Variants in PPFIA1 observed in about 807,000 individuals in gnomAD.
PPFIA1 encodes liprin-alpha-1.
A neutral mutation model predicts 149.9 loss-of-function variants in PPFIA1; 25 were observed. The observed-to-expected ratio is 0.17, with a 90% CI of 0.12 to 0.23. The LOEUF (loss-of-function observed/expected upper bound fraction) is 0.23. Ranked by LOEUF, PPFIA1 falls within the 10% of genes least tolerant of loss-of-function variation. The pLI is 1.00. For missense variants in PPFIA1, 1,362 were observed against 1,506.5 expected (o/e 0.90, Z 1.59); for synonymous variants, 549 against 552.8 (o/e 0.99, Z 0.10).
At chr11:70,376,718 C>T (rs1410727295) in intron 25 of PPFIA1, 118 bp downstream of exon 25, 5 of 891,566 alleles carry the variant, frequency 5.6e-6, no homozygotes, top group Non-Finnish European at 5.5e-6. Context: ...TAGGCAGTCT[C>T]TCTGGATGTT....
intron 23 of PPFIA1, 59 bp downstream of exon 23, chr11:70,372,633 C>G (rs187808133): frequency 7.3e-7 from 1 of 1,368,782 alleles, no homozygotes; most frequent in East Asian, 2.3e-5. Context: ...TGTTTGGAGC[C>G]TCAGTGACTT....
At chr11:70,364,710 AT>A (rs2056829160) in intron 21 of PPFIA1, 1 of 152,188 alleles carries the variant, frequency 6.6e-6, no homozygotes, top group Non-Finnish European at 1.5e-5. Context: ...GTTGTTTCAC[AT>A]GACAGTGGCC....
chr11:70,351,530 A>C (rs1239845256), intron 16 of PPFIA1, among the ~76,000 whole-genome samples: 1 of 152,198 alleles, frequency 6.6e-6, no homozygotes, highest in African/African-American at 2.4e-5. Context: ...CATTACACTT[A>C]CTAGTTGAGC....
At chr11:70,372,431 T>G in intron 22 of PPFIA1, 41 bp downstream of exon 22, 4 of 1,613,274 alleles carry the variant, frequency 2.5e-6, no homozygotes, top group Non-Finnish European at 3.4e-6. Flanking sequence ...GGCTAAGATT[T>G]TTCACTGTTA....
chr11:70,271,332 G>A (rs1050628046), intron 1 of PPFIA1: 1 of 152,416 alleles, frequency 6.6e-6, no homozygotes. Context: ...GCGCCGTCTG[G>A]GGCATCCCCC....
intron 15 of PPFIA1, 96 bp from the exon 16 acceptor site, chr11:70,348,093 T>G: frequency 3.1e-6 from 3 of 955,860 alleles, no homozygotes. Context: ...TGGAGTTTAC[T>G]CATAGTAATA....
At chr11:70,333,389 C>A in intron 9 of PPFIA1, 81 bp from the exon 10 acceptor site, 1 of 1,072,056 alleles carries the variant, frequency 9.3e-7, no homozygotes, top group Non-Finnish European at 1.4e-6. Flanking sequence ...GCATGTTGTG[C>A]CTGTTGCCAC....
intron 17 of PPFIA1, 114 bp from the exon 18 acceptor site, chr11:70,355,525 T>G (rs1001903487): frequency 1.1e-5 from 11 of 1,009,836 alleles, no homozygotes; most frequent in Admixed American, 8.6e-5. Flanking sequence ...ATGCACTTGG[T>G]GAGGAAGATG....
intron 2 of PPFIA1, among the ~76,000 whole-genome samples, chr11:70,291,952 C>T (rs185684346): frequency 1.2e-3 from 179 of 151,942 alleles, no homozygotes; most frequent in African/African-American, 3.9e-3. Context: ...ATTCTCCTGC[C>T]TCAGCCTCCC....
Position 70,297,349 on chromosome 11 carries a change from C to CAGT in PPFIA1, c.264+24914_264+24916dup, listed in dbSNP as rs369433986. 6.0e-3 allele frequency among the ~76,000 whole-genome samples: 909 copies of CAGT among 151,900 alleles called. 10 individuals are homozygous for CAGT. The highest frequency in any genetic ancestry group is 0.02 in the African/African-American group (822 of 41,388). ...GCCTGAACCTAGCAGGTTAAGACTG[C>CAGT]AGTGAGCTATGATCATACCACTGTA... On this transcript the variant is annotated intron_variant, in intron 2 of 27. Transcript: ENST00000253925.
chr11:70,317,513 T>C (rs1001695108), intron 2 of PPFIA1, among the ~76,000 whole-genome samples: 2 of 152,372 alleles, frequency 1.3e-5, no homozygotes, highest in African/African-American at 4.8e-5. Flanking sequence ...GTTGAATATA[T>C]TGGGAATACT....
At chr11:70,326,895 CTG>C (rs1254833404) in intron 7 of PPFIA1, 77 bp downstream of exon 7, 1 of 1,193,352 alleles carries the variant, frequency 8.4e-7, no homozygotes, top group African/African-American at 1.5e-5. Flanking sequence ...TTTTTTTTCT[CTG>C]TTTGTCTCTT....
chr11:70,331,860 C>G (rs1355423631), intron 8 of PPFIA1, 100 bp from the exon 9 acceptor site: 6 of 1,288,306 alleles, frequency 4.7e-6, no homozygotes, highest in Non-Finnish European at 6.2e-6. Flanking sequence ...TCCATCATGA[C>G]TCTCTTAGTC....
chr11:70,300,479 C>T (rs1056179839), intron 2 of PPFIA1, among the ~76,000 whole-genome samples: 3 of 152,090 alleles, frequency 2.0e-5, no homozygotes, highest in Non-Finnish European at 4.4e-5. Context: ...AAGCACTTCT[C>T]CTGCCTCAGC....
chr11:70,372,596 G>A, intron 23 of PPFIA1, 22 bp downstream of exon 23: 1 of 1,575,524 alleles, frequency 6.3e-7, no homozygotes, highest in Non-Finnish European at 8.7e-7. Flanking sequence ...ACATTTAATT[G>A]ATTCGGTTTA....
chr11:70,378,503 G>C, intron 26 of PPFIA1: 1 of 1,052,134 alleles, frequency 9.5e-7, no homozygotes, highest in Non-Finnish European at 1.2e-6. Context: ...TTGTGTCTGT[G>C]ACAGGCCGTG....
chr11:70,280,627 G>A (rs928229589), intron 2 of PPFIA1, among the ~76,000 whole-genome samples: 3 of 152,166 alleles, frequency 2.0e-5, no homozygotes, highest in Non-Finnish European at 4.4e-5. Context: ...GCAGTGGCGC[G>A]CGTGATCACT....
chr11:70,309,231 G>A (rs994108416), intron 2 of PPFIA1, among the ~76,000 whole-genome samples: 4 of 151,710 alleles, frequency 2.6e-5, no homozygotes, highest in Admixed American at 1.3e-4. Flanking sequence ...GTGCAGTGGC[G>A]CGATCTCTGC....
chr11:70,325,113 T>A (rs548452336), intron 4 of PPFIA1, 102 bp downstream of exon 4: 155 of 1,183,616 alleles, frequency 1.3e-4, no homozygotes, highest in Non-Finnish European at 1.7e-4. Context: ...TCTTGAATTC[T>A]TGGAAATAAC....
Sources: allele counts gnomAD v4.1 joint callset (sites outside exome capture counted in the v4.1 genomes callset), GRCh38; gene constraint gnomAD v4.1.1; transcripts MANE v1.5; gene names NCBI Gene and HGNC (gene_info 2026-07-23, HGNC 2026-07-21).